NXN: variants seen among roughly 807,000 people sequenced by gnomAD.
NXN encodes nucleoredoxin.
A neutral mutation model predicts 48.6 loss-of-function variants in NXN; 16 were observed. That is an observed-to-expected ratio of 0.33 (90% CI 0.22 to 0.50). The LOEUF (loss-of-function observed/expected upper bound fraction) is 0.50, where lower values mean the gene tolerates loss of function less well. Among genes scored for constraint, NXN ranks in the 20% least tolerant of loss-of-function variants. The pLI is 0.98. For synonymous variants in NXN, 281 were observed against 269.6 expected (o/e 1.04, Z -0.41); for missense variants, 492 against 605.5 (o/e 0.81, Z 1.97).
intron 1 of NXN, among the ~76,000 whole-genome samples, chr17:913,210 A>C (rs1362511798): frequency 6.6e-6 from 1 of 152,306 alleles, no homozygotes; most frequent in East Asian, 1.9e-4. Context: ...CAGAAAATTC[A>C]TGAGTCACCA....
At chr17:820,060 T>C (rs2474692) in intron 4 of NXN, among the ~76,000 whole-genome samples, 101,684 of 151,730 alleles carry the variant, frequency 0.67, 34,815 homozygotes, top group African/African-American at 0.81. Flanking sequence ...CAGACCCATG[T>C]GGGGCTGGGG....
At chr17:854,813 G>A (rs1284474527) in intron 1 of NXN, among the ~76,000 whole-genome samples, 1 of 151,784 alleles carries the variant, frequency 6.6e-6, no homozygotes, top group Non-Finnish European at 1.5e-5. Flanking sequence ...ACAAAAATTA[G>A]CTGGATGTGG....
chr17:900,246 A>C (rs1020176128), intron 1 of NXN, among the ~76,000 whole-genome samples: 1 of 150,856 alleles, frequency 6.6e-6, no homozygotes, highest in Admixed American at 6.7e-5. Flanking sequence ...AGCCTGGGCA[A>C]CAAGACCGAA....
intron 1 of NXN, among the ~76,000 whole-genome samples, chr17:895,745 G>A (rs1262854576): frequency 6.7e-6 from 1 of 148,884 alleles, no homozygotes; most frequent in East Asian, 2.0e-4. Context: ...GTGAACCTGA[G>A]AGGCGGAGCT....
Position 956,180 on chromosome 17 carries a change from C to T in NXN, c.360+23139G>A, listed in dbSNP as rs953644927. 3.9e-5 allele frequency among the ~76,000 whole-genome samples: 6 copies of T among 152,150 alleles called. No individual in the cohort carries two copies. Among genetic ancestry groups the T allele is most frequent in the South Asian group, 4.1e-4 (2 of 4,830 alleles). ...CTTGGAATTCCAAACCTCTTCCCAC[C>T]GGAATCCCGCCAAGCCTTCAACTCT... On this transcript the variant is annotated intron_variant, in intron 1 of 7. Transcript: ENST00000336868. The surrounding 1 kb of genome is among the most constrained non-coding windows in gnomAD (Gnocchi z 4.1).
intron 1 of NXN, among the ~76,000 whole-genome samples, chr17:931,945 A>C (rs1597252138): frequency 6.6e-6 from 1 of 152,058 alleles, no homozygotes; most frequent in Non-Finnish European, 1.5e-5. Context: ...GTAGATCAAG[A>C]CCAGCCTGGC....
At chr17:855,840 A>G (rs1001811703) in intron 1 of NXN, among the ~76,000 whole-genome samples, 3 of 152,130 alleles carry the variant, frequency 2.0e-5, no homozygotes, top group Non-Finnish European at 4.4e-5. Flanking sequence ...CCAGCAGAAA[A>G]TGATTCCTGT....
chr17:908,523 G>A (rs1392890238), intron 1 of NXN, among the ~76,000 whole-genome samples: 3 of 152,102 alleles, frequency 2.0e-5, no homozygotes, highest in African/African-American at 4.8e-5. Flanking sequence ...GCAACAGAAC[G>A]AGACTCTGTC....
At chr17:891,494 A>T (rs2068416267) in intron 1 of NXN, among the ~76,000 whole-genome samples, 1 of 152,216 alleles carries the variant, frequency 6.6e-6, no homozygotes, top group Non-Finnish European at 1.5e-5. Context: ...CTAACCAGAG[A>T]ACACTGAGGA....
rs969593599 is a variant in NXN at position 815,036 on chromosome 17, G to A, written c.820+4403C>T. Among the ~76,000 whole-genome samples the A allele has an allele frequency of 4.6e-5, 7 of 152,228 alleles. No individual in the cohort carries two copies. In the East Asian group the frequency reaches 1.4e-3, roughly 29 times the overall value. ...CCACCTCGGCCTCCCAAAGTCCAGG[G>A]ATTACAGGCGTGAGCCACCATGCCT... On this transcript the variant is annotated intron_variant, in intron 5 of 7. Coordinates refer to ENST00000336868, the MANE Select transcript of NXN (RefSeq NM_022463.5).
chr17:809,439 G>C (rs1911781445), intron 5 of NXN, among the ~76,000 whole-genome samples: 1 of 152,220 alleles, frequency 6.6e-6, no homozygotes, highest in African/African-American at 2.4e-5. Context: ...TTAGTCTGGT[G>C]ACTTTTCCAC....
At chr17:953,226 C>G (rs1254613049) in intron 1 of NXN, among the ~76,000 whole-genome samples, 4 of 152,094 alleles carry the variant, frequency 2.6e-5, no homozygotes, top group Non-Finnish European at 5.9e-5. Flanking sequence ...ACCAGCCTGG[C>G]CAACATGGTG....
intron 1 of NXN, among the ~76,000 whole-genome samples, chr17:862,299 T>C (rs959658964): frequency 1.3e-4 from 20 of 152,176 alleles, no homozygotes; most frequent in Admixed American, 9.2e-4. Context: ...GAGGCTCCCT[T>C]GAGACCAGGA....
intron 1 of NXN, among the ~76,000 whole-genome samples, chr17:935,384 T>C (rs1427716948): frequency 6.6e-6 from 1 of 152,104 alleles, no homozygotes; most frequent in Admixed American, 6.5e-5. Context: ...TCCTATATCA[T>C]GTGGTCTGTG....
At chr17:831,025 A>C (rs988354148) in intron 1 of NXN, among the ~76,000 whole-genome samples, 20 of 148,728 alleles carry the variant, frequency 1.3e-4, no homozygotes, top group African/African-American at 4.2e-4. Context: ...AACATGCTCT[A>C]ACCTATGCTG....
At chr17:974,138 G>C (rs778765705) in intron 1 of NXN, among the ~76,000 whole-genome samples, 1 of 151,490 alleles carries the variant, frequency 6.6e-6, no homozygotes, top group Admixed American at 6.6e-5. Flanking sequence ...TCACGAGGTC[G>C]GGAGATCGAG....
At chr17:971,578 C>T (rs982201826) in intron 1 of NXN, among the ~76,000 whole-genome samples, 47 of 151,694 alleles carry the variant, frequency 3.1e-4, no homozygotes, top group African/African-American at 9.4e-4. Context: ...GGCGTGAGGG[C>T]GGGCACCTGT....
intron 1 of NXN, among the ~76,000 whole-genome samples, chr17:947,677 G>A (rs1443117797): frequency 6.8e-6 from 1 of 148,072 alleles, no homozygotes; most frequent in Non-Finnish European, 1.5e-5. Flanking sequence ...GGGTTGCAGT[G>A]AGCCGAGATC....
intron 1 of NXN, among the ~76,000 whole-genome samples, chr17:943,843 T>C (rs890942912): frequency 2.0e-5 from 3 of 150,290 alleles, no homozygotes; most frequent in African/African-American, 7.4e-5. Flanking sequence ...GAAAAAAAAA[T>C]GGTGAAGACA....
Sources: gnomAD v4.1 joint callset for allele counts (sites outside exome capture counted in the v4.1 genomes callset) on GRCh38, gnomAD v4.1.1 for gene constraint, Gnocchi (gnomAD v3.1) non-coding constraint, MANE v1.5 for transcripts, NCBI Gene and HGNC (gene_info 2026-07-23, HGNC 2026-07-21) for gene names.